Variants in MYO7A observed in about 807,000 individuals in gnomAD.
The protein encoded by MYO7A is unconventional myosin-VIIa.
Under a neutral mutation model 263.8 loss-of-function variants are expected in MYO7A, and 210 were observed. That is an observed-to-expected ratio of 0.80 (90% CI 0.71 to 0.89). The LOEUF (loss-of-function observed/expected upper bound fraction) is 0.89. Ranked by LOEUF, MYO7A falls within the 40% of genes least tolerant of loss-of-function variation. The pLI, the probability that MYO7A is intolerant of heterozygous loss-of-function variation, is 0.00. For missense variants in MYO7A, 2,820 were observed against 2,968.3 expected (o/e 0.95, Z 1.16); for synonymous variants, 1,239 against 1,197.3 (o/e 1.03, Z -0.72).
intron 32 of MYO7A, among the ~76,000 whole-genome samples, chr11:77,196,414 T>A (rs539170099): frequency 2.0e-5 from 3 of 150,966 alleles, no homozygotes; most frequent in Non-Finnish European, 4.4e-5. Context: ...ACATTCTGAG[T>A]TGCTGGGGGT....
At chr11:77,140,671 G>A (rs1305157650) in intron 2 of MYO7A, among the ~76,000 whole-genome samples, 1 of 152,236 alleles carries the variant, frequency 6.6e-6, no homozygotes, top group African/African-American at 2.4e-5. Flanking sequence ...GCTGTCAGGG[G>A]TAAGCCCAGG....
intron 24 of MYO7A, 100 bp downstream of exon 24, chr11:77,182,254 C>A (rs1485232351): frequency 1.5e-5 from 22 of 1,498,890 alleles, no homozygotes; most frequent in Middle Eastern, 2.0e-4. Flanking sequence ...GGTGGTGGGT[C>A]CCTGGGGGCC....
intron 15 of MYO7A, among the ~76,000 whole-genome samples, chr11:77,171,817 A>G (rs1464338436): frequency 1.3e-5 from 2 of 152,198 alleles, no homozygotes; most frequent in Admixed American, 6.5e-5. Context: ...CAGTCCTGCC[A>G]TTTGGCTTCC....
At chr11:77,200,972 C>T (rs1211679387) in intron 35 of MYO7A, among the ~76,000 whole-genome samples, 6 of 152,216 alleles carry the variant, frequency 3.9e-5, no homozygotes, top group Admixed American at 3.9e-4. Flanking sequence ...AGGCCTGTGA[C>T]AGTGCAGTGA....
chr11:77,207,473 G>A, intron 42 of MYO7A, 71 bp downstream of exon 42: 1 of 1,111,744 alleles, frequency 9.0e-7, no homozygotes, highest in South Asian at 1.3e-5. Context: ...ACAGCAGACG[G>A]AAGAGAGAGG....
rs1952971362 is a variant in MYO7A at position 77,161,252 on chromosome 11, C to A, written c.1343+137C>A. On this transcript the variant is annotated intron_variant, in intron 12 of 48. Transcript: ENST00000409709. ...GGCTGTTCCGTCATCACGGTGGACC[C>A]TCTCCCTTTCCTTCCCATCCCCTCG... 1.2e-5 allele frequency: 13 copies of A among 1,115,796 alleles called. 1 individual carries two copies. The South Asian group carries it at 2.0e-4, about 17-fold the overall frequency. The allele number at this position is 1,115,796 out of a possible 1,614,324, so 69.1% of individuals were successfully genotyped here. A position where few individuals can be genotyped will look rare whatever the true frequency, so the allele number is the denominator to read the frequency against.
At chr11:77,199,402 C>T in intron 34 of MYO7A, 133 bp from the exon 35 acceptor site, 1 of 928,822 alleles carries the variant, frequency 1.1e-6, no homozygotes, top group Non-Finnish European at 1.5e-6. Flanking sequence ...GGCCGGGCCA[C>T]TGTGGGTCTC....
Position 77,179,885 on chromosome 11 carries a change from G to A in MYO7A, c.2518G>A (p.Val840Met), listed in dbSNP as rs1555082883. The A allele has an allele frequency of 6.5e-7, 1 of 1,540,472 alleles. No homozygotes were observed. Among genetic ancestry groups the A allele is most frequent in the Admixed American group, 2.0e-5 (1 of 50,998 alleles). ...GGCCTTCCGCCACCGCCTCTGGGCT[G>A]TGCTCACCGTGCAGGCCTATGCCCG... ...RKAFRHRLWA[V>M]LTVQAYARGM... Residue 840 changes from valine to methionine, a missense_variant, in exon 21 of 49, where the codon GTG becomes ATG. Val to Met is a conservative substitution (Grantham distance 21). Coordinates refer to ENST00000409709, the MANE Select transcript of MYO7A (RefSeq NM_000260.4).
intron 39 of MYO7A, among the ~76,000 whole-genome samples, chr11:77,204,524 C>T (rs1197043495): frequency 6.6e-6 from 1 of 152,228 alleles, no homozygotes; most frequent in Non-Finnish European, 1.5e-5. Flanking sequence ...CCTGCCTAGA[C>T]CCTGCTGTCT....
intron 30 of MYO7A, 65 bp from the exon 31 acceptor site, chr11:77,191,986 C>T (rs1956116081): frequency 4.2e-6 from 6 of 1,426,322 alleles, no homozygotes; most frequent in Non-Finnish European, 5.8e-6. Context: ...ACCGTTGGCC[C>T]CGTTGAGGCT....
intron 18 of MYO7A, 30 bp downstream of exon 18, chr11:77,175,494 C>G (rs1954562629): frequency 6.2e-7 from 1 of 1,601,290 alleles, no homozygotes; most frequent in Non-Finnish European, 8.5e-7. Context: ...CTGGGCTGCC[C>G]TGGGGGGGCT....
In MYO7A at chr11:77,184,445, A is replaced by T; in HGVS notation, c.3376-143A>T. The T allele has an allele frequency of 5.8e-6, 4 of 693,808 alleles. No individual in the cohort carries two copies. The South Asian group carries it at 7.2e-5, about 12-fold the overall frequency. The allele number at this position is 693,808 out of a possible 1,614,324, so 43.0% of individuals were successfully genotyped here. A position where few individuals can be genotyped will look rare whatever the true frequency, so the allele number is the denominator to read the frequency against. On this transcript the variant is annotated intron_variant, in intron 26 of 48. Coordinates refer to ENST00000409709, the MANE Select transcript of MYO7A (RefSeq NM_000260.4). ...CATCTGCTGTGCACGTGGCAGGGGTAATGACAGTGATGGGGAGCCCAGTTC... is the reference window on the plus strand; with the variant it reads ...CATCTGCTGTGCACGTGGCAGGGGTTATGACAGTGATGGGGAGCCCAGTTC...
intron 4 of MYO7A, among the ~76,000 whole-genome samples, chr11:77,152,310 C>T (rs1952041593): frequency 1.3e-5 from 2 of 152,254 alleles, no homozygotes; most frequent in African/African-American, 2.4e-5. Context: ...CCTTTCCCGT[C>T]AGCATGGCTG....
At position 77,180,358 on chromosome 11, in the gene MYO7A, TG is replaced by T. The variant is rs1443894037; in HGVS notation, c.2587-15del. On this transcript the variant is annotated splice_polypyrimidine_tract_variant and intron_variant, in intron 21 of 48. Coordinates refer to ENST00000409709, the MANE Select transcript of MYO7A (RefSeq NM_000260.4). Reference sequence around the variant, plus strand: ...TACACACATTTCCATGCCCTCTGGATGCCCCCTTCCCTCAGTATCTGTGGCG... The same window carrying T: ...TACACACATTTCCATGCCCTCTGGATCCCCCTTCCCTCAGTATCTGTGGCG... 30 of 1,608,118 alleles carry T rather than the reference TG, an allele frequency of 1.9e-5. No individual in the cohort carries two copies. The highest frequency in any genetic ancestry group is 2.5e-5 in the Non-Finnish European group (30 of 1,177,042).
intron 34 of MYO7A, 73 bp downstream of exon 34, chr11:77,198,694 A>G: frequency 6.3e-7 from 1 of 1,594,944 alleles, no homozygotes; most frequent in Non-Finnish European, 8.5e-7. Flanking sequence ...TGCGGGTCAC[A>G]GGAAGTGAAG....
chr11:77,167,006 G>C (rs1275835366), intron 15 of MYO7A, among the ~76,000 whole-genome samples: 1 of 152,246 alleles, frequency 6.6e-6, no homozygotes, highest in Non-Finnish European at 1.5e-5. Context: ...AAAGACCCCA[G>C]CCCGGGGCTG....
At chr11:77,172,489 T>A (rs1954190155) in intron 15 of MYO7A, among the ~76,000 whole-genome samples, 1 of 152,114 alleles carries the variant, frequency 6.6e-6, no homozygotes, top group Non-Finnish European at 1.5e-5. Flanking sequence ...AGTGCGGAGA[T>A]CTTCCTGTAG....
chr11:77,161,122 C>T lies in MYO7A; in HGVS notation c.1343+7C>T, dbSNP rs782595035. On this transcript the variant is annotated splice_region_variant and intron_variant, in intron 12 of 48. Transcript: ENST00000409709. ...AGAACTTTGCTGTGAACAGGTACCG[C>T]GTGGGGCTCTGCTCATGGGAATTTC... The T allele has an allele frequency of 3.8e-5, 61 of 1,613,600 alleles. No individual in the cohort carries two copies. Among genetic ancestry groups the T allele is most frequent in the Middle Eastern group, 1.6e-4 (1 of 6,084 alleles).
rs1293011986 is a variant in MYO7A, at chr11:77,165,956, G to A, written c.1691-100G>A. 6.3e-6 allele frequency: 5 copies of A among 790,730 alleles called. No homozygotes were observed. In the East Asian group the frequency reaches 1.3e-4, roughly 21 times the overall value. 49.0% of individuals were successfully genotyped at this position (790,730 alleles called of 1,614,324 possible). The stretch of plus-strand genomic sequence containing the variant: ...CCCCCGTCATGAAATGGATGTGGTG[G>A]AACTAGGTGGATTTTGAGGGTCCTC... On this transcript the variant is annotated intron_variant, in intron 14 of 48. Coordinates refer to ENST00000409709, the MANE Select transcript of MYO7A (RefSeq NM_000260.4).
Sources: allele counts gnomAD v4.1 joint callset (sites outside exome capture counted in the v4.1 genomes callset), GRCh38; gene constraint gnomAD v4.1.1; transcripts MANE v1.5; gene names NCBI Gene and HGNC (gene_info 2026-07-23, HGNC 2026-07-21).